MTA3: variants seen among roughly 807,000 people sequenced by gnomAD.
MTA3 encodes metastasis associated 1 family member 3.
MTA3 carries 34 observed loss-of-function variants against 83.5 expected under a neutral mutation model. The ratio of observed to expected loss-of-function variants is 0.41; its 90% CI spans 0.31 to 0.54. The LOEUF (loss-of-function observed/expected upper bound fraction) is 0.54. MTA3 is among the 20% of genes least tolerant of loss of function. MTA3 has a pLI of 0.33. For missense variants in MTA3, 761 were observed against 726.4 expected (o/e 1.05, Z -0.55); for synonymous variants, 303 against 252.7 (o/e 1.20, Z -1.89).
chr2:42,754,295 G>C lies in MTA3; in HGVS notation c.*896G>C. 2 of 985,484 alleles carry C rather than the reference G, an allele frequency of 2.0e-6. No homozygotes were observed. The highest frequency in any genetic ancestry group is 2.4e-6 in the Non-Finnish European group (2 of 829,958). The allele number at this position is 985,484 out of a possible 1,614,324, so 61.0% of individuals were successfully genotyped here. A position where few individuals can be genotyped will look rare whatever the true frequency, so the allele number is the denominator to read the frequency against. ...AAATGACCTAGTTTCATTTTAAGCA[G>C]ACAGACTCTGTTTGGCCTAGAGGTG... On this transcript the variant is annotated 3_prime_UTR_variant, in exon 17 of 17. Coordinates refer to ENST00000405094, the MANE Select transcript of MTA3 (RefSeq NM_001330442.2).
chr2:42,498,995 AT>A (rs2103636861), intron 2 of MTA3, among the ~76,000 whole-genome samples: 1 of 152,274 alleles, frequency 6.6e-6, no homozygotes, highest in South Asian at 2.1e-4. Flanking sequence ...CTATGAGGTT[AT>A]CCCAAGATTC....
chr2:42,571,535 C>T (rs55992350), intron 2 of MTA3, among the ~76,000 whole-genome samples: 2 of 152,214 alleles, frequency 1.3e-5, no homozygotes, highest in Non-Finnish European at 2.9e-5. Flanking sequence ...GAGCAGTTCA[C>T]TTATGTAACT....
rs185917243 is a variant in MTA3, at chr2:42,571,158, C to A, written c.96+654C>A. Among the ~76,000 whole-genome samples, 160 of 151,480 alleles carry A rather than the reference C, an allele frequency of 1.1e-3. 1 individual carries two copies. The highest frequency in any genetic ancestry group is 1.8e-3 in the Non-Finnish European group (119 of 67,862). ...CTGTAATCCCAGCAATTTGGGAGGC[C>A]AAGGAGGGGGTGGATCACTTGAGGT... On this transcript the variant is annotated intron_variant, in intron 2 of 16. Transcript: ENST00000405094.
chr2:42,740,526 A>C (rs1668951668), intron 16 of MTA3, among the ~76,000 whole-genome samples: 1 of 152,260 alleles, frequency 6.6e-6, no homozygotes, highest in South Asian at 2.1e-4. Context: ...TGAATGAATC[A>C]GTGAATGAAT....
chr2:42,510,876 G>A (rs571831344), intron 2 of MTA3, among the ~76,000 whole-genome samples: 10 of 152,268 alleles, frequency 6.6e-5, no homozygotes, highest in African/African-American at 1.4e-4. Context: ...GATTCTGTTC[G>A]GAAGAAAAAT....
intron 2 of MTA3, among the ~76,000 whole-genome samples, chr2:42,548,846 A>ATATATATATATATAAT (rs1553340715): frequency 6.6e-5 from 1 of 15,056 alleles, no homozygotes; most frequent in African/African-American, 2.6e-4. Context: ...ATATATATAT[A>ATATATATATATATAAT]ATATATATAT....
At chr2:42,598,872 C>G (rs1271500824) in intron 3 of MTA3, among the ~76,000 whole-genome samples, 2 of 152,094 alleles carry the variant, frequency 1.3e-5, no homozygotes, top group African/African-American at 2.4e-5. Flanking sequence ...ACACAGAAGC[C>G]TTGACATACA....
intron 4 of MTA3, among the ~76,000 whole-genome samples, chr2:42,627,001 A>G (rs1015630784): frequency 7.2e-5 from 11 of 152,196 alleles, no homozygotes; most frequent in Admixed American, 4.6e-4. Flanking sequence ...TTGGCCTCCC[A>G]AAGTGCTGGG....
In MTA3 at chr2:42,729,086, G is replaced by GTTT. The variant is rs1216600680; in HGVS notation, c.1759+6076_1759+6078dup. Among the ~76,000 whole-genome samples, 369 of 60,086 alleles carry GTTT rather than the reference G, an allele frequency of 6.1e-3. 99 individuals carry two copies. Among genetic ancestry groups the GTTT allele is most frequent in the African/African-American group, 9.7e-3 (155 of 15,996 alleles). The allele number at this position is 60,086 out of a possible 152,430, so 39.4% of individuals were successfully genotyped here. ...TTCTTTTATTAGTTTCACAGTTTGA[G>GTTT]TTTTTTTTTTTTTTTTTTTTTTTTT... is the stretch of plus-strand genomic sequence containing the variant. On this transcript the variant is annotated intron_variant, in intron 16 of 16. Coordinates refer to ENST00000405094, the MANE Select transcript of MTA3 (RefSeq NM_001330442.2).
intron 14 of MTA3, among the ~76,000 whole-genome samples, chr2:42,713,442 A>C (rs1156919171): frequency 6.6e-6 from 1 of 152,154 alleles, no homozygotes; most frequent in African/African-American, 2.4e-5. Context: ...TAGAGAGTTT[A>C]AATTTTTTTT....
At chr2:42,747,345 C>T (rs145716118) in intron 16 of MTA3, among the ~76,000 whole-genome samples, 453 of 152,170 alleles carry the variant, frequency 3.0e-3, no homozygotes, top group Non-Finnish European at 4.8e-3. Context: ...ATTCATTCCT[C>T]CTGGGGGCAG....
At chr2:42,534,826 G>A (rs1396738742) in intron 2 of MTA3, among the ~76,000 whole-genome samples, 1 of 151,990 alleles carries the variant, frequency 6.6e-6, no homozygotes, top group East Asian at 2.0e-4. Context: ...GTCTCACTGT[G>A]TTGCCTAGGC....
intron 4 of MTA3, among the ~76,000 whole-genome samples, chr2:42,627,725 A>ATTTTTTTTTTTTTT (rs869227831): frequency 6.8e-5 from 7 of 103,384 alleles, no homozygotes; most frequent in Non-Finnish European, 9.1e-5. Flanking sequence ...GCCTGGCTAA[A>ATTTTTTTTTTTTTT]TTTTTTTTTT....
chr2:42,650,587 C>A (rs1200517340), intron 6 of MTA3, among the ~76,000 whole-genome samples: 1 of 151,940 alleles, frequency 6.6e-6, no homozygotes, highest in Non-Finnish European at 1.5e-5. Context: ...CTACAGGTGC[C>A]CACCACCAAG....
chr2:42,631,838 C>T (rs999523286), intron 4 of MTA3, among the ~76,000 whole-genome samples: 10 of 151,902 alleles, frequency 6.6e-5, no homozygotes, highest in Non-Finnish European at 1.2e-4. Context: ...TACAGGTGCT[C>T]ACCACCATGC....
chr2:42,696,878 C>G (rs1693432556), intron 10 of MTA3, among the ~76,000 whole-genome samples: 1 of 152,126 alleles, frequency 6.6e-6, no homozygotes. Context: ...TTATAAACAA[C>G]TTAGGTATAG....
chr2:42,540,185 T>TTG (rs1553339683), intron 2 of MTA3, among the ~76,000 whole-genome samples: 2 of 150,402 alleles, frequency 1.3e-5, no homozygotes, highest in Non-Finnish European at 3.0e-5. Context: ...TTTTTTTTTT[T>TTG]TTTTTGTAGA....
intron 2 of MTA3, among the ~76,000 whole-genome samples, chr2:42,548,815 A>ATATATATATAT: frequency 4.9e-5 from 2 of 40,734 alleles, no homozygotes; most frequent in East Asian, 4.5e-4. Context: ...AAAAAAATAT[A>ATATATATATAT]TATATATATA....
chr2:42,653,516 AT>A (rs1332129830), intron 6 of MTA3, among the ~76,000 whole-genome samples: 1 of 152,186 alleles, frequency 6.6e-6, no homozygotes, highest in East Asian at 1.9e-4. Context: ...GAATGTAATT[AT>A]TTGGTCTGTT....
Sources: gnomAD v4.1 joint callset for allele counts (sites outside exome capture counted in the v4.1 genomes callset) on GRCh38, gnomAD v4.1.1 for gene constraint, MANE v1.5 for transcripts, NCBI Gene and HGNC (gene_info 2026-07-23, HGNC 2026-07-21) for gene names.